Variants in MARK4 observed in about 807,000 individuals in gnomAD.
MARK4 encodes the protein microtubule affinity regulating kinase 4, also known as MAP/microtubule affinity-regulating kinase 4.
Under a neutral mutation model 81.5 loss-of-function variants are expected in MARK4, and 19 were observed. The ratio of observed to expected loss-of-function variants is 0.23; its 90% CI spans 0.16 to 0.34. MARK4 has a LOEUF of 0.34. Ranked by LOEUF, MARK4 falls within the 10% of genes least tolerant of loss-of-function variation. The probability of loss-of-function intolerance (pLI) is 1.00; values close to 1 mark genes in which losing one functional copy is unlikely to be tolerated. For synonymous variants in MARK4, 436 were observed against 439.0 expected (o/e 0.99, Z 0.08); for missense variants, 772 against 1,058.8 (o/e 0.73, Z 3.76).
intron 7 of MARK4, among the ~76,000 whole-genome samples, chr19:45,270,435 T>C (rs2123051690): frequency 6.6e-6 from 1 of 152,278 alleles, no homozygotes; most frequent in South Asian, 2.1e-4. Context: ...ATTAAATTAT[T>C]GCTTTCGTTT....
At chr19:45,289,895 G>A (rs1423910644) in intron 13 of MARK4, among the ~76,000 whole-genome samples, 3 of 152,126 alleles carry the variant, frequency 2.0e-5, no homozygotes, top group Non-Finnish European at 2.9e-5. Flanking sequence ...TCAGGAGTTC[G>A]AGACCAACCT....
Position 45,263,175 on chromosome 19 carries a change from G to A in MARK4, c.306+9G>A, listed in dbSNP as rs1335946090. The stretch of plus-strand genomic sequence containing the variant: ...CCAGCAGCCTGCAGAAGGTGAGGCT[G>A]GGGAGACGGGGGAGAGCAGGAGCCA... On this transcript the variant is annotated intron_variant, in intron 3 of 16. Transcript: ENST00000262891. 2 of 1,609,414 alleles carry A rather than the reference G, an allele frequency of 1.2e-6. No homozygotes were observed. The highest frequency in any genetic ancestry group is 1.3e-5 in the African/African-American group (1 of 74,802).
chr19:45,258,245 A>G (rs957643974), intron 1 of MARK4, among the ~76,000 whole-genome samples: 2 of 152,068 alleles, frequency 1.3e-5, no homozygotes, highest in Non-Finnish European at 2.9e-5. Flanking sequence ...TCAGCCTCCC[A>G]AAGTGCTGGG....
chr19:45,268,622 G>A (rs953348339), intron 7 of MARK4, among the ~76,000 whole-genome samples: 2 of 151,526 alleles, frequency 1.3e-5, no homozygotes, highest in African/African-American at 4.9e-5. Context: ...TTGTATGCCT[G>A]TGGTCTCAGC....
At chr19:45,257,689 A>AT (rs71173133) in intron 1 of MARK4, among the ~76,000 whole-genome samples, 3,840 of 86,146 alleles carry the variant, frequency 0.045, 161 homozygotes, top group East Asian at 0.15. Context: ...GGCCCATAAT[A>AT]TTTTTTTTTT....
intron 1 of MARK4, among the ~76,000 whole-genome samples, chr19:45,256,682 A>G (rs996293666): frequency 6.6e-6 from 1 of 152,188 alleles, no homozygotes. Context: ...GGGCAGCCTC[A>G]TTTAGGGCAA....
In MARK4 at chr19:45,287,650, A is replaced by T. The variant is rs759177245; in HGVS notation, c.1480A>T (p.Ser494Cys). ...AGAGATCCCAGAGCGGCGGAAGGAC[A>T]GCACGAGCACCCCCGTGAGTGACCA... ...KAEIPERRKD[S>C]TSTPNNLPPS... The change falls in exon 13 of 17, where the codon AGC (serine) becomes TGC (cysteine). Residue 494 changes from serine (S) to cysteine (C), a missense_variant. Ser to Cys is a moderately radical substitution (Grantham distance 112). Around this residue, in one of 3 missense-constraint regions of MARK4, gnomAD observed 548 missense variants for 624.3 expected, o/e 0.88. Transcript: ENST00000262891. The T allele has an allele frequency of 3.1e-6, 5 of 1,599,372 alleles. No individual in the cohort carries two copies. The highest frequency in any genetic ancestry group is 1.7e-5 in the Admixed American group (1 of 58,822).
In MARK4 at chr19:45,280,752, G is replaced by A. The variant is rs199677676; in HGVS notation, c.1276+18G>A. ...CGATTTCTGTGAGTATCAACCCCAC[G>A]CCCTCACGCACCCTCCTTCTCCCCA... On this transcript the variant is annotated intron_variant, in intron 12 of 16. Transcript: ENST00000262891. 9.3e-6 allele frequency: 15 copies of A among 1,613,042 alleles called. No homozygotes were observed. The highest frequency in any genetic ancestry group is 2.7e-5 in the African/African-American group (2 of 74,878).
chr19:45,278,088 C>T lies in MARK4; in HGVS notation c.906+46C>T, dbSNP rs374534447. 3.2e-5 allele frequency: 52 copies of T among 1,603,264 alleles called. No individual in the cohort carries two copies. The African/African-American group carries it at 6.9e-4, about 21-fold the overall frequency. On this transcript the variant is annotated intron_variant, in intron 9 of 16. Transcript: ENST00000262891. ...AGCGGGAGCCCTTCTAGTCTCCTGA[C>T]TCCCCTAAACTCTGCCTGCCCCCAC...
chr19:45,277,845 G>GTT, intron 8 of MARK4, 78 bp from the exon 9 acceptor site: 1 of 1,293,926 alleles, frequency 7.7e-7, no homozygotes, highest in Non-Finnish European at 1.1e-6. Context: ...GTGTGTGTGT[G>GTT]TGTGTGTGTG....
rs981776050 is a variant in MARK4, at chr19:45,302,291, G to A, written c.1923-83G>A. The A allele has an allele frequency of 1.3e-6, 2 of 1,596,144 alleles. No homozygotes were observed. The highest frequency in any genetic ancestry group is 1.3e-5 in the African/African-American group (1 of 74,536). On this transcript the variant is annotated intron_variant, in intron 16 of 16. Transcript: ENST00000262891. This position sits in a 1 kb window ranked among gnomAD's most constrained non-coding sequence, Gnocchi z 4.9. ...GAGGGGATGGCTAGGAATGTGTCCC[G>A]AATTGGGAAGAGTTGTCCCTTCAGC...
chr19:45,269,320 A>G (rs935578815), intron 7 of MARK4, among the ~76,000 whole-genome samples: 1 of 152,168 alleles, frequency 6.6e-6, no homozygotes. Flanking sequence ...AAGAGGTTAC[A>G]GTGAGCCGAG....
At chr19:45,275,779 C>T (rs545481119) in intron 8 of MARK4, among the ~76,000 whole-genome samples, 3 of 152,330 alleles carry the variant, frequency 2.0e-5, no homozygotes, top group Admixed American at 6.5e-5. Flanking sequence ...AACCGGGCTT[C>T]GCGGCGTTGT....
intron 8 of MARK4, among the ~76,000 whole-genome samples, chr19:45,276,290 G>A (rs1048007428): frequency 6.6e-6 from 1 of 152,174 alleles, no homozygotes. Flanking sequence ...GCCTCCCGAA[G>A]TGCTGGGATT....
At chr19:45,260,152 G>T (rs548131798) in intron 2 of MARK4, among the ~76,000 whole-genome samples, 2 of 151,142 alleles carry the variant, frequency 1.3e-5, no homozygotes, top group South Asian at 4.2e-4. Context: ...CACTTTGGGA[G>T]GCCAAGGCAA....
intron 8 of MARK4, among the ~76,000 whole-genome samples, chr19:45,275,327 T>C (rs1293045572): frequency 4.0e-5 from 6 of 151,860 alleles, no homozygotes; most frequent in African/African-American, 1.5e-4. Context: ...ACAAAAAATA[T>C]TTTTTAAATT....
At chr19:45,262,646 A>C (rs1970394967) in intron 2 of MARK4, among the ~76,000 whole-genome samples, 1 of 152,192 alleles carries the variant, frequency 6.6e-6, no homozygotes, top group South Asian at 2.1e-4. Context: ...TGGAATAAGG[A>C]TATTTCTCTG....
chr19:45,280,301 CAA>C, intron 10 of MARK4, 71 bp from the exon 11 acceptor site: 1 of 1,341,372 alleles, frequency 7.5e-7, no homozygotes, highest in Non-Finnish European at 1.1e-6. Context: ...CACCCTGTCT[CAA>C]AAAAAAAGAG....
At chr19:45,284,296 C>CCGCGCCTGGCCCTGTTATGGGTTTTAATA (rs1970714505) in intron 12 of MARK4, among the ~76,000 whole-genome samples, 1 of 151,870 alleles carries the variant, frequency 6.6e-6, no homozygotes, top group African/African-American at 2.4e-5. Context: ...GCGTGAGCCA[C>CCGCGCCTGGCCCTGTTATGGGTTTTAATA]TGTGCCCAGC....
Sources: gnomAD v4.1 joint callset for allele counts (sites outside exome capture counted in the v4.1 genomes callset) on GRCh38, gnomAD v4.1.1 for gene constraint, gnomAD v4.1.1 regional missense constraint, Gnocchi (gnomAD v3.1) non-coding constraint, MANE v1.5 for transcripts, NCBI Gene and HGNC (gene_info 2026-07-23, HGNC 2026-07-21) for gene names.